The following ALK variants were observed in gnomAD, a reference collection of about 807,000 sequenced individuals.
The protein encoded by ALK is ALK receptor tyrosine kinase, also known as ALK tyrosine kinase receptor.
Under a neutral mutation model 163.1 loss-of-function variants are expected in ALK, and 74 were observed. The ratio of observed to expected loss-of-function variants is 0.45; its 90% confidence interval spans 0.38 to 0.55. The LOEUF (loss-of-function observed/expected upper bound fraction) is 0.55. ALK is among the 20% of genes least tolerant of loss of function. ALK has a pLI of 0.00. For synonymous variants in ALK, 960 were observed against 843.2 expected, an observed-to-expected ratio of 1.14 and a Z score of -2.40; for missense variants, 2,063 against 2,105.3, an observed-to-expected ratio of 0.98 and a Z score of 0.39.
intron 1 of ALK, among the ~76,000 whole-genome samples, chr2:29,807,443 C>G (rs565027956): frequency 1.6e-3 from 241 of 152,312 alleles, no homozygotes; most frequent in African/African-American, 5.4e-3. Context: ...CCAGGGAGGG[C>G]TCTGTGCTCA....
At chr2:29,263,237 G>C (rs542201839) in intron 11 of ALK, among the ~76,000 whole-genome samples, 1 of 152,206 alleles carries the variant, frequency 6.6e-6, no homozygotes, top group African/African-American at 2.4e-5. Flanking sequence ...ATCACCATAG[G>C]GGTTATGTGA....
intron 4 of ALK, among the ~76,000 whole-genome samples, chr2:29,409,882 T>C (rs2148321323): frequency 6.6e-6 from 1 of 152,278 alleles, no homozygotes; most frequent in South Asian, 2.1e-4. Context: ...TCTTCTCTGA[T>C]TGCCTGCACT....
intron 3 of ALK, among the ~76,000 whole-genome samples, chr2:29,575,858 C>A (rs1273430777): frequency 1.3e-5 from 2 of 152,200 alleles, no homozygotes; most frequent in African/African-American, 4.8e-5. Flanking sequence ...AATGCTCCAA[C>A]AGAGTGGAGT....
intron 4 of ALK, among the ~76,000 whole-genome samples, chr2:29,418,644 A>G (rs1449529952): frequency 6.6e-6 from 1 of 152,294 alleles, no homozygotes; most frequent in African/African-American, 2.4e-5. Context: ...CATGTGGTAT[A>G]TGACTTTCTG....
intron 16 of ALK, among the ~76,000 whole-genome samples, chr2:29,228,371 G>A (rs1172265405): frequency 6.6e-6 from 1 of 152,224 alleles, no homozygotes; most frequent in Non-Finnish European, 1.5e-5. Flanking sequence ...AGACGAGGCA[G>A]CTGGGGTCAA....
intron 1 of ALK, among the ~76,000 whole-genome samples, chr2:29,855,785 A>G (rs999300369): frequency 1.3e-5 from 2 of 152,220 alleles, no homozygotes; most frequent in African/African-American, 4.8e-5. Flanking sequence ...GAAAATCCTG[A>G]AAATCTTGGT....
intron 1 of ALK, among the ~76,000 whole-genome samples, chr2:29,843,937 A>G (rs985757603): frequency 6.6e-6 from 1 of 152,042 alleles, no homozygotes; most frequent in African/African-American, 2.4e-5. Context: ...GGGGGAAGCC[A>G]GGCCTTAATT....
intron 8 of ALK, among the ~76,000 whole-genome samples, chr2:29,300,514 C>A (rs1410953819): frequency 1.4e-5 from 2 of 146,088 alleles, no homozygotes; most frequent in African/African-American, 2.6e-5. Context: ...GAGATTGTGC[C>A]ATTGCACTCT....
intron 3 of ALK, among the ~76,000 whole-genome samples, chr2:29,659,797 A>C (rs1276847866): frequency 2.0e-5 from 3 of 152,132 alleles, no homozygotes; most frequent in African/African-American, 7.2e-5. Context: ...GTTTAAAGAA[A>C]AGAGATTTAT....
At chr2:29,378,228 G>A (rs1271236600) in intron 5 of ALK, among the ~76,000 whole-genome samples, 1 of 152,206 alleles carries the variant, frequency 6.6e-6, no homozygotes, top group Non-Finnish European at 1.5e-5. Flanking sequence ...TGATTTCTTA[G>A]AAAAATTGAG....
intron 3 of ALK, among the ~76,000 whole-genome samples, chr2:29,588,943 A>G (rs920128762): frequency 1.3e-5 from 2 of 152,166 alleles, no homozygotes; most frequent in Admixed American, 6.5e-5. Context: ...TGCATTGGGT[A>G]CTGGTGAACA....
At chr2:29,599,186 CAAAA>C (rs538039527) in intron 3 of ALK, among the ~76,000 whole-genome samples, 1 of 100,290 alleles carries the variant, frequency 1.0e-5, no homozygotes, top group Non-Finnish European at 2.2e-5. Context: ...TCTGACTCTG[CAAAA>C]AAAAAAAAAA....
intron 8 of ALK, among the ~76,000 whole-genome samples, chr2:29,299,359 G>A (rs1167037417): frequency 6.6e-6 from 1 of 152,140 alleles, no homozygotes; most frequent in African/African-American, 2.4e-5. Context: ...TATTATCTGA[G>A]GAAATCAACT....
At chr2:29,395,905 A>G (rs1669292302) in intron 4 of ALK, among the ~76,000 whole-genome samples, 1 of 152,212 alleles carries the variant, frequency 6.6e-6, no homozygotes, top group Non-Finnish European at 1.5e-5. Context: ...CATTGAACCT[A>G]AGCATAAAAA....
chr2:29,253,581 C>T (rs984706215), intron 11 of ALK, among the ~76,000 whole-genome samples: 15 of 152,110 alleles, frequency 9.9e-5, no homozygotes, highest in Admixed American at 7.9e-4. Context: ...ATATGGATCC[C>T]GTGCCAACAG....
intron 4 of ALK, among the ~76,000 whole-genome samples, chr2:29,411,478 C>A (rs1573330332): frequency 6.6e-6 from 1 of 151,524 alleles, no homozygotes; most frequent in Non-Finnish European, 1.5e-5. Flanking sequence ...AAACCTTTTT[C>A]TTTTTTAAGA....
chr2:29,701,747 C>G (rs1007770113), intron 2 of ALK, among the ~76,000 whole-genome samples: 2 of 152,218 alleles, frequency 1.3e-5, no homozygotes, highest in African/African-American at 2.4e-5. Context: ...ATGCCAGGCA[C>G]CTTACATGAT....
At chr2:29,341,267 T>C (rs1392703764) in intron 5 of ALK, among the ~76,000 whole-genome samples, 1 of 152,248 alleles carries the variant, frequency 6.6e-6, no homozygotes. Context: ...TGTCCTTCTC[T>C]GTGTCTAAAG....
intron 3 of ALK, among the ~76,000 whole-genome samples, chr2:29,583,096 C>G (rs1469396745): frequency 6.8e-6 from 1 of 147,678 alleles, no homozygotes; most frequent in Non-Finnish European, 1.5e-5. Flanking sequence ...CCAGGCTGGT[C>G]TCAAACTCCT....
Sources: gnomAD v4.1 joint callset for allele counts (sites outside exome capture counted in the v4.1 genomes callset) on GRCh38, gnomAD v4.1.1 for gene constraint, MANE v1.5 for transcripts, NCBI Gene and HGNC (gene_info 2026-07-23, HGNC 2026-07-21) for gene names.